SOX5: variants seen among roughly 807,000 people sequenced by gnomAD.
SOX5 encodes SRY-box transcription factor 5.
SOX5 carries 9 observed loss-of-function variants against 92.0 expected under a neutral mutation model. The ratio of observed to expected loss-of-function variants is 0.10; its 90% CI spans 0.06 to 0.17. SOX5 has a LOEUF of 0.17. Ranked by LOEUF, SOX5 falls within the 10% of genes least tolerant of loss-of-function variation. The pLI is 1.00. For synonymous variants in SOX5, 344 were observed against 336.3 expected, an observed-to-expected ratio of 1.02 and a Z score of -0.25; for missense variants, 642 against 944.5, an observed-to-expected ratio of 0.68 and a Z score of 4.20.
chr12:24,130,516 A>G (rs1192699547), intron 4 of SOX5, among the ~76,000 whole-genome samples: 2 of 152,236 alleles, frequency 1.3e-5, no homozygotes, highest in Non-Finnish European at 2.9e-5. Context: ...TCATATATAG[A>G]TATTTCATTT....
At position 24,194,432 on chromosome 12, in the gene SOX5, TGTAG is replaced by T. The variant is rs1246191280; in HGVS notation, c.-2+18907_-2+18910del. On this transcript the variant is annotated intron_variant, in intron 4 of 4. Transcript: ENST00000446891. Reference sequence around the variant, plus strand: ...AGGTAGGTAGGTAGGTAGGTAGGTATGTAGGTAGGTAGGTAGGTAGGTAGAGAGA... The same window carrying T: ...AGGTAGGTAGGTAGGTAGGTAGGTATGTAGGTAGGTAGGTAGGTAGAGAGA... 3.6e-3 allele frequency among the ~76,000 whole-genome samples: 360 copies of T among 99,282 alleles called. 3 individuals are homozygous for T. Among genetic ancestry groups the T allele is most frequent in the Non-Finnish European group, 5.5e-3 (266 of 48,642 alleles). 65.1% of individuals were successfully genotyped at this position (99,282 alleles called of 152,430 possible).
intron 3 of SOX5, among the ~76,000 whole-genome samples, chr12:24,214,612 G>A (rs191019941): frequency 3.3e-4 from 50 of 152,114 alleles, no homozygotes; most frequent in Non-Finnish European, 6.2e-4. Flanking sequence ...TATTAAAATT[G>A]TATAAATAAA....
At chr12:23,685,295 T>A (rs541274776) in intron 6 of SOX5, among the ~76,000 whole-genome samples, 1 of 152,264 alleles carries the variant, frequency 6.6e-6, no homozygotes, top group Admixed American at 6.6e-5. Flanking sequence ...AGAGAAATTA[T>A]AATCTCACGG....
intron 3 of SOX5, among the ~76,000 whole-genome samples, chr12:24,267,721 T>C (rs115736969): frequency 0.034 from 5,113 of 152,266 alleles, 288 homozygotes; most frequent in African/African-American, 0.12. Flanking sequence ...ACATATATTA[T>C]GTTAAAGGCT....
At chr12:24,515,104 A>G (rs895700794) in intron 1 of SOX5, among the ~76,000 whole-genome samples, 1 of 152,210 alleles carries the variant, frequency 6.6e-6, no homozygotes, top group African/African-American at 2.4e-5. Flanking sequence ...TAGCTGTGTC[A>G]TGTTATTTTA....
At chr12:24,419,390 T>A (rs977955106) in intron 1 of SOX5, among the ~76,000 whole-genome samples, 191 of 152,330 alleles carry the variant, frequency 1.3e-3, no homozygotes, top group African/African-American at 4.4e-3. Flanking sequence ...TCTGCCTGCC[T>A]TGGCCTCCCA....
chr12:23,922,983 T>G (rs1400659578), intron 1 of SOX5, among the ~76,000 whole-genome samples: 1 of 151,490 alleles, frequency 6.6e-6, no homozygotes, highest in Non-Finnish European at 1.5e-5. Flanking sequence ...TCTCACTGTG[T>G]CACCCAGGCT....
chr12:23,686,382 TAAG>T (rs1359231593), intron 6 of SOX5, among the ~76,000 whole-genome samples: 2 of 152,154 alleles, frequency 1.3e-5, no homozygotes, highest in African/African-American at 4.8e-5. Flanking sequence ...AATATCAGCT[TAAG>T]AAGGGAAATG....
intron 6 of SOX5, among the ~76,000 whole-genome samples, chr12:23,716,100 T>G (rs144717951): frequency 1.1e-4 from 17 of 152,260 alleles, no homozygotes; most frequent in African/African-American, 3.8e-4. Context: ...ACACGGGAAG[T>G]GTTGTGATGC....
At chr12:23,672,039 T>A (rs2084869522) in intron 6 of SOX5, among the ~76,000 whole-genome samples, 1 of 151,812 alleles carries the variant, frequency 6.6e-6, no homozygotes, top group Admixed American at 6.6e-5. Context: ...CAGATGGTTC[T>A]ACTAAGAGCT....
chr12:23,991,405 C>T (rs1435308986), intron 4 of SOX5, among the ~76,000 whole-genome samples: 1 of 151,502 alleles, frequency 6.6e-6, no homozygotes, highest in Non-Finnish European at 1.5e-5. Flanking sequence ...TGGGGTAATA[C>T]TTCATAATCA....
chr12:23,893,175 T>G (rs1280641244), intron 2 of SOX5, among the ~76,000 whole-genome samples: 1 of 152,184 alleles, frequency 6.6e-6, no homozygotes, highest in African/African-American at 2.4e-5. Flanking sequence ...TGGCCAGGTG[T>G]GGTGGCTCAC....
At chr12:24,118,018 C>CAAAAAAAA in intron 4 of SOX5, among the ~76,000 whole-genome samples, 1 of 41,814 alleles carries the variant, frequency 2.4e-5, no homozygotes, top group Non-Finnish European at 5.4e-5. Flanking sequence ...GACTCTCATT[C>CAAAAAAAA]AAAAAAAAAA....
chr12:24,375,587 T>C (rs1283763967), intron 1 of SOX5, among the ~76,000 whole-genome samples: 2 of 151,582 alleles, frequency 1.3e-5, no homozygotes, highest in African/African-American at 4.8e-5. Context: ...ATACAAAAAA[T>C]TAGCTGGGCA....
intron 3 of SOX5, among the ~76,000 whole-genome samples, chr12:23,792,475 T>A (rs2095490982): frequency 6.6e-6 from 1 of 151,184 alleles, no homozygotes; most frequent in South Asian, 2.1e-4. Flanking sequence ...ATACAAAAAT[T>A]AGCTGGGTGT....
At chr12:24,289,290 A>G (rs947662880) in intron 2 of SOX5, among the ~76,000 whole-genome samples, 1 of 151,590 alleles carries the variant, frequency 6.6e-6, no homozygotes, top group African/African-American at 2.4e-5. Context: ...CAAAAAAAAA[A>G]CAAAAACAAA....
At chr12:23,684,480 C>G (rs1309972375) in intron 6 of SOX5, among the ~76,000 whole-genome samples, 1 of 151,980 alleles carries the variant, frequency 6.6e-6, no homozygotes, top group African/African-American at 2.4e-5. Flanking sequence ...TTTAGGATCT[C>G]TCACATATCT....
chr12:24,247,645 C>CTTTTT (rs11300258), intron 3 of SOX5, among the ~76,000 whole-genome samples: 2 of 75,582 alleles, frequency 2.6e-5, no homozygotes, highest in Non-Finnish European at 5.3e-5. Flanking sequence ...TATTTATTTA[C>CTTTTT]TTTTTTTTTT....
intron 4 of SOX5, among the ~76,000 whole-genome samples, chr12:23,745,117 G>A (rs1035629757): frequency 2.0e-5 from 3 of 152,084 alleles, no homozygotes; most frequent in Admixed American, 1.3e-4. Flanking sequence ...TTCAGCATAT[G>A]AATTAGGGTT....
Sources: allele counts gnomAD v4.1 joint callset (sites outside exome capture counted in the v4.1 genomes callset), GRCh38; gene constraint gnomAD v4.1.1; transcripts MANE v1.5; gene names NCBI Gene and HGNC (gene_info 2026-07-23, HGNC 2026-07-21).